Variants in PLAGL1 observed in about 807,000 individuals in gnomAD.
The protein encoded by PLAGL1 is zinc finger protein PLAGL1.
In PLAGL1, 1 loss-of-function variant was observed where a neutral mutation model predicts 4.6. The ratio of observed to expected loss-of-function variants is 0.22; its 90% CI spans 0.08 to 1.03. The LOEUF is 1.03. Ranked by LOEUF, PLAGL1 falls within the 50% of genes least tolerant of loss-of-function variation. The pLI, the probability that PLAGL1 is intolerant of heterozygous loss-of-function variation, is 0.58. For missense variants in PLAGL1, 464 were observed against 570.4 expected (o/e 0.81, Z 1.90); for synonymous variants, 240 against 237.8 (o/e 1.01, Z -0.08).
chr6:144,042,514 T>C (rs1797821301), intron 1 of PLAGL1, among the ~76,000 whole-genome samples: 1 of 152,180 alleles, frequency 6.6e-6, no homozygotes, highest in Non-Finnish European at 1.5e-5. Flanking sequence ...GAGGCCTCTG[T>C]TCTGTTCCAC....
rs1353163354 is a variant in PLAGL1, at chr6:143,948,401, G to A, written c.-265C>T. ...AAGTCTGAGGCACAGGTGCGATTCA[G>A]GAGCAGAAAGGTAATCTGCATCACT... On this transcript the variant is annotated 5_prime_UTR_variant, in exon 7 of 8. Coordinates refer to ENST00000674357, the MANE Select transcript of PLAGL1 (RefSeq NM_001317162.2). The surrounding 1 kb of genome is among the most constrained non-coding windows in gnomAD (Gnocchi z 6.0). The A allele has an allele frequency of 9.7e-6, 4 of 411,080 alleles. No individual in the cohort carries two copies. The highest frequency in any genetic ancestry group is 3.7e-5 in the Admixed American group (1 of 26,818). The allele number at this position is 411,080 out of a possible 1,614,324, so 25.5% of individuals were successfully genotyped here. A position where few individuals can be genotyped will look rare whatever the true frequency, so the allele number is the denominator to read the frequency against.
chr6:144,062,799 CAT>C (rs1799530506), intron 1 of PLAGL1, among the ~76,000 whole-genome samples: 1 of 152,200 alleles, frequency 6.6e-6, no homozygotes, highest in Admixed American at 6.5e-5. Flanking sequence ...ATCCCCAACA[CAT>C]GTCTGTTGAA....
intron 1 of PLAGL1, among the ~76,000 whole-genome samples, chr6:144,042,730 T>A (rs1265265630): frequency 6.6e-6 from 1 of 152,234 alleles, no homozygotes; most frequent in Admixed American, 6.5e-5. Flanking sequence ...GGTAGCTTGA[T>A]GCGGATGGCA....
At chr6:143,956,910 C>T (rs1481406878) in intron 6 of PLAGL1, among the ~76,000 whole-genome samples, 1 of 152,220 alleles carries the variant, frequency 6.6e-6, no homozygotes, top group Non-Finnish European at 1.5e-5. Context: ...AGTGCTTCAT[C>T]TCTCACAGGT....
Position 144,027,025 on chromosome 6 carries a change from A to G in PLAGL1, c.-151+37443T>C, listed in dbSNP as rs1049737407. ...CCAGGAGTTCAAGACCAGTGTGGGT[A>G]AAAAAGTAAGACCCCACCCCCCGAC... On this transcript the variant is annotated intron_variant, in intron 1 of 3. Transcript: ENST00000437412. The surrounding 1 kb of genome is among the most constrained non-coding windows in gnomAD (Gnocchi z 5.8). 1.3e-5 allele frequency among the ~76,000 whole-genome samples: 2 copies of G among 152,024 alleles called. No homozygotes were observed. The highest frequency in any genetic ancestry group is 4.8e-5 in the African/African-American group (2 of 41,466).
intron 1 of PLAGL1, among the ~76,000 whole-genome samples, chr6:144,025,169 G>C (rs543080356): frequency 6.6e-6 from 1 of 152,158 alleles, no homozygotes; most frequent in Non-Finnish European, 1.5e-5. Flanking sequence ...TACTTTTGTA[G>C]TCTTCCCTCA....
intron 1 of PLAGL1, among the ~76,000 whole-genome samples, chr6:144,029,784 T>G (rs1488201400): frequency 1.3e-5 from 2 of 152,312 alleles, no homozygotes; most frequent in African/African-American, 4.8e-5. Context: ...GAGTAGAAAC[T>G]GGTACAACCT....
rs897806366 is a variant in PLAGL1 at position 144,004,971 on chromosome 6, A to T, written c.-584+3119T>A. On this transcript the variant is annotated intron_variant, in intron 1 of 7. Coordinates refer to ENST00000674357, the MANE Select transcript of PLAGL1 (RefSeq NM_001317162.2). This position sits in a 1 kb window ranked among gnomAD's most constrained non-coding sequence, Gnocchi z 4.2. The stretch of plus-strand genomic sequence containing the variant: ...ATATACATTTATATAAATATATTTA[A>T]TTTTTATATAAACTCTACAGAGAGA... The T allele has an allele frequency of 6.7e-6, 1 of 149,078 alleles. No homozygotes were observed. Among genetic ancestry groups the T allele is most frequent in the Non-Finnish European group, 1.5e-5 (1 of 67,400 alleles). The allele number at this position is 149,078 out of a possible 1,614,324, so 9.2% of individuals were successfully genotyped here.
rs552521787 is a variant in PLAGL1 at position 144,004,752 on chromosome 6, G to T, written c.-584+3338C>A. 2.6e-5 allele frequency among the ~76,000 whole-genome samples: 4 copies of T among 151,984 alleles called. No homozygotes were observed. The highest frequency in any genetic ancestry group is 9.6e-5 in the African/African-American group (4 of 41,480). On this transcript the variant is annotated intron_variant, in intron 1 of 7. Coordinates refer to ENST00000674357, the MANE Select transcript of PLAGL1 (RefSeq NM_001317162.2). This position sits in a 1 kb window ranked among gnomAD's most constrained non-coding sequence, Gnocchi z 4.2. Reference sequence around the variant, plus strand: ...AAAAACATATGTAGAATTCAACATGGATAAAAAATATATTAAATACATTAA... The same window carrying T: ...AAAAACATATGTAGAATTCAACATGTATAAAAAATATATTAAATACATTAA...
chr6:143,974,904 C>T (rs1250594921), intron 2 of PLAGL1, among the ~76,000 whole-genome samples: 1 of 152,182 alleles, frequency 6.6e-6, no homozygotes, highest in Non-Finnish European at 1.5e-5. Flanking sequence ...AAAAATACTA[C>T]TGAAAGAAAG....
chr6:144,062,019 T>C (rs2128732934), intron 1 of PLAGL1, among the ~76,000 whole-genome samples: 1 of 152,326 alleles, frequency 6.6e-6, no homozygotes, highest in South Asian at 2.1e-4. Flanking sequence ...TTTATTAGGT[T>C]AACTTTAGAC....
In PLAGL1 at chr6:143,984,785, G is replaced by A. The variant is rs1376514638; in HGVS notation, c.-544+350C>T. On this transcript the variant is annotated intron_variant, in intron 2 of 7. Transcript: ENST00000674357. This position sits in a 1 kb window ranked among gnomAD's most constrained non-coding sequence, Gnocchi z 5.5. ...ACTTCATAGACTATTTAAAAACAAAGATACATAAATATGTTTTGGAGGAAG... is the reference window on the plus strand; with the variant it reads ...ACTTCATAGACTATTTAAAAACAAAAATACATAAATATGTTTTGGAGGAAG... Among the ~76,000 whole-genome samples the A allele has an allele frequency of 2.0e-5, 3 of 152,058 alleles. No individual in the cohort carries two copies. The highest frequency in any genetic ancestry group is 7.2e-5 in the African/African-American group (3 of 41,408).
At chr6:144,021,888 C>A (rs564536440) in intron 1 of PLAGL1, among the ~76,000 whole-genome samples, 11 of 152,234 alleles carry the variant, frequency 7.2e-5, no homozygotes, top group Admixed American at 2.6e-4. Context: ...AATCATAGAA[C>A]TGAAAACTGA....
At chr6:143,991,939 C>T (rs1318108221) in intron 1 of PLAGL1, among the ~76,000 whole-genome samples, 1 of 152,188 alleles carries the variant, frequency 6.6e-6, no homozygotes, top group Admixed American at 6.5e-5. Context: ...CAGGCCAGGG[C>T]CTAGTAGCCA....
intron 1 of PLAGL1, among the ~76,000 whole-genome samples, chr6:143,987,625 C>T (rs899741512): frequency 2.0e-5 from 3 of 152,080 alleles, no homozygotes; most frequent in South Asian, 2.1e-4. Flanking sequence ...CACCACCCTA[C>T]GATGCCTGTT....
chr6:144,002,409 T>G (rs1238241939), intron 1 of PLAGL1, among the ~76,000 whole-genome samples: 1 of 152,104 alleles, frequency 6.6e-6, no homozygotes, highest in African/African-American at 2.4e-5. Context: ...AATATTGTTC[T>G]AGAGGTCCCA....
intron 1 of PLAGL1, among the ~76,000 whole-genome samples, chr6:144,044,864 T>C (rs1338805847): frequency 5.9e-5 from 9 of 152,214 alleles, no homozygotes; most frequent in Admixed American, 4.6e-4. Context: ...CTGTATTGGA[T>C]GCATATCTAT....
At position 143,948,127 on chromosome 6, in the gene PLAGL1, AC is replaced by A. The variant is rs1780214877; in HGVS notation, c.9del (p.Phe4SerfsTer46). 1.2e-6 allele frequency: 2 copies of A among 1,613,396 alleles called. No homozygotes were observed. Among genetic ancestry groups the A allele is most frequent in the Admixed American group, 3.3e-5 (2 of 59,998 alleles). The part of the protein sequence containing the change: MA[T>X]FPCQLCGKTF... ...GTCTTGCCACATAACTGGCAGGGGA[AC>A]GTGGCCATGGGCTTTGCTTCTCACA... On this transcript the variant is annotated frameshift_variant, in exon 7 of 8. Transcript: ENST00000674357. LOFTEE classifies it high-confidence loss of function. This position sits in a 1 kb window ranked among gnomAD's most constrained non-coding sequence, Gnocchi z 6.0.
chr6:143,947,870 G>A lies in PLAGL1; in HGVS notation c.152+115C>T. 1 of 790,890 alleles carries A rather than the reference G, an allele frequency of 1.3e-6. No homozygotes were observed. The highest frequency in any genetic ancestry group is 1.9e-5 in the South Asian group (1 of 53,846). The allele number at this position is 790,890 out of a possible 1,614,324, so 49.0% of individuals were successfully genotyped here. A position where few individuals can be genotyped will look rare whatever the true frequency, so the allele number is the denominator to read the frequency against. On this transcript the variant is annotated intron_variant, in intron 7 of 7. Transcript: ENST00000674357. This position sits in a 1 kb window ranked among gnomAD's most constrained non-coding sequence, Gnocchi z 4.3. ...ATGCAGATTTCAAGAATCCCTCAAAGGCTAAAATGCATCCATATCCTGTGT... is the reference window on the plus strand; with the variant it reads ...ATGCAGATTTCAAGAATCCCTCAAAAGCTAAAATGCATCCATATCCTGTGT...
Sources: gnomAD v4.1 joint callset for allele counts (sites outside exome capture counted in the v4.1 genomes callset) on GRCh38, gnomAD v4.1.1 for gene constraint, Gnocchi (gnomAD v3.1) non-coding constraint, MANE v1.5 for transcripts, NCBI Gene and HGNC (gene_info 2026-07-23, HGNC 2026-07-21) for gene names.